Variants in GPR149 observed in about 807,000 individuals in gnomAD.
The protein encoded by GPR149 is G protein-coupled receptor 149, also known as probable G protein-coupled receptor 149.
GPR149 carries 50 observed loss-of-function variants against 50.2 expected under a neutral mutation model. That is an observed-to-expected ratio of 1.00 (90% CI 0.79 to 1.26). The LOEUF is 1.26. GPR149 is among the 50% of genes most tolerant of loss of function. The pLI is 0.00. For synonymous variants in GPR149, 405 were observed against 358.2 expected, an observed-to-expected ratio of 1.13 and a Z score of -1.48; for missense variants, 983 against 895.4, an observed-to-expected ratio of 1.10 and a Z score of -1.25.
chr3:154,421,350 T>C lies in GPR149; in HGVS notation c.1312A>G (p.Thr438Ala), dbSNP rs765436432. ...HNLMNSECET[T>A]KDPQRDNRNI... ...CGGTTGTCTCTCTGAGGGTCTTTTG[T>C]AGTTTCACACTCAGAGTTCATCAGG... Residue 438 changes from threonine to alanine, a missense_variant, in exon 3 of 4, where the codon ACA becomes GCA. Coordinates refer to ENST00000389740, the MANE Select transcript of GPR149 (RefSeq NM_001038705.3). The C allele has an allele frequency of 5.0e-6, 8 of 1,613,174 alleles. No individual in the cohort carries two copies. Among genetic ancestry groups the C allele is most frequent in the Non-Finnish European group, 6.8e-6 (8 of 1,179,442 alleles).
At chr3:154,417,303 A>T (rs1712017618) in intron 3 of GPR149, among the ~76,000 whole-genome samples, 1 of 152,018 alleles carries the variant, frequency 6.6e-6, no homozygotes, top group South Asian at 2.1e-4. Flanking sequence ...TTTCAGTCTT[A>T]TGAATACCTT....
chr3:154,426,938 C>G (rs1216973980), intron 2 of GPR149, among the ~76,000 whole-genome samples: 1 of 149,442 alleles, frequency 6.7e-6, no homozygotes, highest in African/African-American at 2.5e-5. Context: ...CCTACACTTA[C>G]AATTTGTTTT....
intron 2 of GPR149, among the ~76,000 whole-genome samples, chr3:154,422,995 A>G (rs1418586162): frequency 1.3e-5 from 2 of 151,860 alleles, no homozygotes; most frequent in African/African-American, 4.8e-5. Flanking sequence ...ATTTTGTGAT[A>G]TAACATGATA....
chr3:154,392,049 AATAAT>A (rs71155009), intron 3 of GPR149, among the ~76,000 whole-genome samples: 78,275 of 151,008 alleles, frequency 0.52, 20,815 homozygotes, highest in Middle Eastern at 0.67. Flanking sequence ...AAAAGAAATA[AATAAT>A]ATGATAATTG....
intron 3 of GPR149, among the ~76,000 whole-genome samples, chr3:154,413,868 G>A (rs1321843086): frequency 6.6e-6 from 1 of 151,532 alleles, no homozygotes; most frequent in African/African-American, 2.4e-5. Flanking sequence ...GTTTATCACA[G>A]CAGAATTTGT....
chr3:154,403,278 A>G (rs9846916), intron 3 of GPR149, among the ~76,000 whole-genome samples: 92,472 of 151,982 alleles, frequency 0.61, 28,947 homozygotes, highest in East Asian at 0.8. Flanking sequence ...ATTAAGAAAG[A>G]GTAAATTAAA....
In GPR149 at chr3:154,429,048, A is replaced by T; in HGVS notation, c.568T>A (p.Tyr190Asn). Residue 190 changes from tyrosine to asparagine, a missense_variant, in exon 1 of 4, where the codon TAC (tyrosine) becomes AAC (asparagine). Coordinates refer to ENST00000389740, the MANE Select transcript of GPR149 (RefSeq NM_001038705.3). ...WGCLVDCSSS[Y>N]VLFLSIVYAL... ...TACACGATAGAGAGGAATAGTACGT[A>T]GGAGCTGGAGCAGTCCACCAGGCAG... 6.2e-7 allele frequency: 1 copy of T among 1,613,998 alleles called. No homozygotes were observed. The highest frequency in any genetic ancestry group is 8.5e-7 in the Non-Finnish European group (1 of 1,180,012).
rs111389067 is a variant in GPR149, at chr3:154,353,482, A to G, written c.1624-15211T>C. 3,212 of 912,278 alleles carry G rather than the reference A, an allele frequency of 3.5e-3. 67 individuals carry two copies. In the African/African-American group the frequency reaches 0.046, roughly 13 times the overall value. 56.5% of individuals were successfully genotyped at this position (912,278 alleles called of 1,614,324 possible). The stretch of plus-strand genomic sequence containing the variant: ...TCCACTTCATCAAGCACAACATGGC[A>G]CAGTTTAGAAAGATCCAATCAGCCA... On this transcript the variant is annotated intron_variant, in intron 3 of 3. Coordinates refer to ENST00000389740, the MANE Select transcript of GPR149 (RefSeq NM_001038705.3).
Position 154,406,966 on chromosome 3 carries a change from G to C in GPR149, c.1623+14073C>G, listed in dbSNP as rs1182490161. 3.9e-5 allele frequency among the ~76,000 whole-genome samples: 6 copies of C among 152,292 alleles called. No homozygotes were observed. The East Asian group carries it at 9.7e-4, about 25-fold the overall frequency. ...CTCACAATCATGACAGACAGGAAAAGGGATGTCTTAGATCGTGGCAGGCAA... is the reference window on the plus strand; with the variant it reads ...CTCACAATCATGACAGACAGGAAAACGGATGTCTTAGATCGTGGCAGGCAA... On this transcript the variant is annotated intron_variant, in intron 3 of 3. Transcript: ENST00000389740.
At chr3:154,410,083 C>T (rs1711793349) in intron 3 of GPR149, among the ~76,000 whole-genome samples, 1 of 152,078 alleles carries the variant, frequency 6.6e-6, no homozygotes, top group Non-Finnish European at 1.5e-5. Context: ...CTTTTAGCCT[C>T]CTTAAACAAA....
intron 3 of GPR149, among the ~76,000 whole-genome samples, chr3:154,364,436 G>T (rs1714484764): frequency 6.6e-6 from 1 of 152,140 alleles, no homozygotes. Flanking sequence ...TAAGTCCAAA[G>T]TCTTATCTAA....
rs1172589065 is a variant in GPR149 at position 154,335,106 on chromosome 3, A to G, written c.*2593T>C. The G allele has an allele frequency of 3.3e-5, 5 of 152,096 alleles. No individual in the cohort carries two copies. Among genetic ancestry groups the G allele is most frequent in the African/African-American group, 7.2e-5 (3 of 41,444 alleles). The allele number at this position is 152,096 out of a possible 1,614,324, so 9.4% of individuals were successfully genotyped here. A position where few individuals can be genotyped will look rare whatever the true frequency, so the allele number is the denominator to read the frequency against. On this transcript the variant is annotated 3_prime_UTR_variant, in exon 4 of 4. Transcript: ENST00000389740. Reference sequence around the variant, plus strand: ...CGGGGATTACGTGTTTGCAGTTTATAGGAGTCACCACCAGATGGTGATATT... The same window carrying G: ...CGGGGATTACGTGTTTGCAGTTTATGGGAGTCACCACCAGATGGTGATATT...
rs1351030167 is a variant in GPR149 at position 154,335,554 on chromosome 3, T to G, written c.*2145A>C. 2 of 152,172 alleles carry G rather than the reference T, an allele frequency of 1.3e-5. No individual in the cohort carries two copies. Among genetic ancestry groups the G allele is most frequent in the Non-Finnish European group, 2.9e-5 (2 of 67,990 alleles). The allele number at this position is 152,172 out of a possible 1,614,324, so 9.4% of individuals were successfully genotyped here. A position where few individuals can be genotyped will look rare whatever the true frequency, so the allele number is the denominator to read the frequency against. On this transcript the variant is annotated 3_prime_UTR_variant, in exon 4 of 4. Transcript: ENST00000389740. ...GTGTTGTTTCAATGCAGCAGAATTTTTATGTGCATCCATTATACAGTTAAT... is the reference window on the plus strand; with the variant it reads ...GTGTTGTTTCAATGCAGCAGAATTTGTATGTGCATCCATTATACAGTTAAT...
At chr3:154,370,398 G>A (rs1273824088) in intron 3 of GPR149, among the ~76,000 whole-genome samples, 1 of 152,176 alleles carries the variant, frequency 6.6e-6, no homozygotes, top group Non-Finnish European at 1.5e-5. Flanking sequence ...GGCTCAGAGG[G>A]AACCAAGAGA....
intron 3 of GPR149, among the ~76,000 whole-genome samples, chr3:154,348,731 A>T (rs1033389160): frequency 6.6e-5 from 10 of 152,154 alleles, no homozygotes; most frequent in African/African-American, 1.9e-4. Flanking sequence ...GTAGAAGAGC[A>T]TCATTAATCA....
chr3:154,362,511 G>T (rs984690847), intron 3 of GPR149, among the ~76,000 whole-genome samples: 5 of 151,966 alleles, frequency 3.3e-5, no homozygotes, highest in African/African-American at 1.2e-4. Flanking sequence ...AAAACTTCAG[G>T]GGGAAGAAAC....
At chr3:154,416,799 A>G (rs1165636716) in intron 3 of GPR149, among the ~76,000 whole-genome samples, 1 of 151,876 alleles carries the variant, frequency 6.6e-6, no homozygotes, top group Non-Finnish European at 1.5e-5. Flanking sequence ...CTCTCATTTG[A>G]GAGGGAATAT....
intron 3 of GPR149, among the ~76,000 whole-genome samples, chr3:154,409,408 G>A (rs1711777931): frequency 6.6e-6 from 1 of 152,072 alleles, no homozygotes; most frequent in African/African-American, 2.4e-5. Flanking sequence ...AAACAATTGA[G>A]AAGGTCAATT....
chr3:154,398,190 GA>G (rs1226780500), intron 3 of GPR149, among the ~76,000 whole-genome samples: 2 of 152,126 alleles, frequency 1.3e-5, no homozygotes, highest in Non-Finnish European at 2.9e-5. Flanking sequence ...CAAAGAGGAA[GA>G]AAACATCTTC....
Sources: gnomAD v4.1 joint callset for allele counts (sites outside exome capture counted in the v4.1 genomes callset) on GRCh38, gnomAD v4.1.1 for gene constraint, MANE v1.5 for transcripts, NCBI Gene and HGNC (gene_info 2026-07-23, HGNC 2026-07-21) for gene names.